Variants in NELL1 observed in about 807,000 individuals in gnomAD.
The protein encoded by NELL1 is neural EGFL like 1.
NELL1 carries 76 observed loss-of-function variants against 107.4 expected under a neutral mutation model. The ratio of observed to expected loss-of-function variants is 0.71; its 90% CI spans 0.59 to 0.86. The LOEUF is 0.86. Ranked by LOEUF, NELL1 falls within the 40% of genes least tolerant of loss-of-function variation. The probability of loss-of-function intolerance (pLI) is 0.00; values close to 1 mark genes in which losing one functional copy is unlikely to be tolerated. For synonymous variants in NELL1, 353 were observed against 341.2 expected (o/e 1.03, Z -0.38); for missense variants, 1,024 against 1,005.5 (o/e 1.02, Z -0.25).
chr11:20,742,175 A>C (rs910322964), intron 2 of NELL1, among the ~76,000 whole-genome samples: 1 of 152,164 alleles, frequency 6.6e-6, no homozygotes, highest in African/African-American at 2.4e-5. Context: ...TGTTGTTTAC[A>C]CCTAGGCATC....
intron 2 of NELL1, among the ~76,000 whole-genome samples, chr11:20,771,773 T>C (rs1856645930): frequency 2.0e-5 from 3 of 152,156 alleles, no homozygotes; most frequent in Non-Finnish European, 4.4e-5. Flanking sequence ...GCCACAACTG[T>C]CTTTTTGCCC....
intron 14 of NELL1, among the ~76,000 whole-genome samples, chr11:21,266,759 C>T (rs765773493): frequency 1.4e-4 from 21 of 151,988 alleles, no homozygotes; most frequent in African/African-American, 4.6e-4. Context: ...TACAGGATCA[C>T]GATCAGTTAT....
rs1381312217 is a variant in NELL1, at chr11:21,128,352, A to G, written c.1426+14638A>G. ...AAGAGTATTCCCTAGATGAATTAGC[A>G]TTTTTCCCCCCTTTTGGCGTTTATT... On this transcript the variant is annotated intron_variant, in intron 13 of 19. Transcript: ENST00000357134. 2.0e-5 allele frequency among the ~76,000 whole-genome samples: 3 copies of G among 152,022 alleles called. No individual in the cohort carries two copies. The East Asian group carries it at 5.8e-4, about 29-fold the overall frequency.
At chr11:21,152,244 T>G (rs961680382) in intron 13 of NELL1, among the ~76,000 whole-genome samples, 1 of 152,194 alleles carries the variant, frequency 6.6e-6, no homozygotes, top group African/African-American at 2.4e-5. Flanking sequence ...TGTGATTGAG[T>G]GTGAAAAGTG....
At chr11:21,215,463 C>G (rs146092144) in intron 13 of NELL1, among the ~76,000 whole-genome samples, 8 of 152,144 alleles carry the variant, frequency 5.3e-5, no homozygotes, top group Non-Finnish European at 1.0e-4. Flanking sequence ...GTGGAAGTGA[C>G]TTTGGAACTG....
intron 10 of NELL1, among the ~76,000 whole-genome samples, chr11:20,938,327 T>C (rs1805241131): frequency 6.6e-6 from 1 of 152,188 alleles, no homozygotes; most frequent in Admixed American, 6.5e-5. Context: ...TCAATAATCA[T>C]TCGACAAAAA....
intron 17 of NELL1, among the ~76,000 whole-genome samples, chr11:21,565,358 C>T (rs1856945936): frequency 6.6e-6 from 1 of 151,864 alleles, no homozygotes; most frequent in African/African-American, 2.4e-5. Context: ...CTTGCAGGAG[C>T]TTGAACGTTA....
chr11:21,380,636 G>C (rs546888170), intron 15 of NELL1, among the ~76,000 whole-genome samples: 1 of 152,120 alleles, frequency 6.6e-6, no homozygotes, highest in African/African-American at 2.4e-5. Context: ...ACAGTTCTTA[G>C]AGTCACTTGA....
At chr11:21,084,993 AT>A (rs1854355481) in intron 12 of NELL1, among the ~76,000 whole-genome samples, 1 of 152,172 alleles carries the variant, frequency 6.6e-6, no homozygotes, top group African/African-American at 2.4e-5. Flanking sequence ...CAGTTATACA[AT>A]GGGGGTAAGA....
At chr11:21,131,571 C>T (rs1036687093) in intron 13 of NELL1, among the ~76,000 whole-genome samples, 7 of 152,166 alleles carry the variant, frequency 4.6e-5, no homozygotes, top group Non-Finnish European at 1.5e-5. Context: ...CATGGCCTTT[C>T]ATCTCTTCAT....
At chr11:21,102,395 A>C (rs1331821811) in intron 12 of NELL1, among the ~76,000 whole-genome samples, 1 of 152,136 alleles carries the variant, frequency 6.6e-6, no homozygotes, top group Non-Finnish European at 1.5e-5. Context: ...TTGAGACTGC[A>C]TGGTGTAGAG....
chr11:21,389,666 G>A (rs189728582), intron 15 of NELL1, among the ~76,000 whole-genome samples: 2 of 151,718 alleles, frequency 1.3e-5, no homozygotes, highest in African/African-American at 2.4e-5. Context: ...TGTACAAATC[G>A]AATCAGACTA....
At chr11:21,342,671 G>GA (rs1388322650) in intron 14 of NELL1, among the ~76,000 whole-genome samples, 1 of 139,600 alleles carries the variant, frequency 7.2e-6, no homozygotes, top group East Asian at 2.1e-4. Context: ...AAAAGAAAAA[G>GA]AAAAGAAAGA....
intron 14 of NELL1, among the ~76,000 whole-genome samples, chr11:21,243,602 A>T (rs773232153): frequency 1.4e-4 from 21 of 152,132 alleles, no homozygotes; most frequent in Non-Finnish European, 2.5e-4. Flanking sequence ...TGCACATAAC[A>T]CGTGAATGCT....
chr11:21,092,156 CTCAG>C (rs1293472718), intron 12 of NELL1, among the ~76,000 whole-genome samples: 1 of 152,084 alleles, frequency 6.6e-6, no homozygotes, highest in Non-Finnish European at 1.5e-5. Flanking sequence ...GTCAATAGGA[CTCAG>C]TAAGTAGTTC....
chr11:20,989,134 C>A (rs1423840898), intron 12 of NELL1, among the ~76,000 whole-genome samples: 1 of 152,176 alleles, frequency 6.6e-6, no homozygotes, highest in Non-Finnish European at 1.5e-5. Context: ...GGGTACAAAT[C>A]CAAGTCTTCG....
intron 15 of NELL1, among the ~76,000 whole-genome samples, chr11:21,448,655 C>T (rs1214852999): frequency 6.6e-6 from 1 of 152,146 alleles, no homozygotes; most frequent in East Asian, 1.9e-4. Flanking sequence ...AAACCATCAG[C>T]ACAATCACGA....
intron 12 of NELL1, among the ~76,000 whole-genome samples, chr11:20,968,241 T>C (rs1317552690): frequency 6.6e-6 from 1 of 152,220 alleles, no homozygotes; most frequent in Non-Finnish European, 1.5e-5. Flanking sequence ...TTTTATTATC[T>C]GACCCTTTGG....
chr11:21,313,306 AT>A (rs1409703545), intron 14 of NELL1, among the ~76,000 whole-genome samples: 1 of 152,058 alleles, frequency 6.6e-6, no homozygotes, highest in Admixed American at 6.6e-5. Context: ...GGCTTTGACT[AT>A]TTTTAGGCAA....
Sources: gnomAD v4.1 joint callset for allele counts (sites outside exome capture counted in the v4.1 genomes callset) on GRCh38, gnomAD v4.1.1 for gene constraint, MANE v1.5 for transcripts, NCBI Gene and HGNC (gene_info 2026-07-23, HGNC 2026-07-21) for gene names.